Variants in ZNF462 observed in about 807,000 individuals in gnomAD.
The protein encoded by ZNF462 is zinc finger PBX1-interacting protein.
In ZNF462, 10 loss-of-function variants were observed where a neutral mutation model predicts 201.9. That is an observed-to-expected ratio of 0.05 (90% CI 0.03 to 0.08). ZNF462 has a LOEUF of 0.08. ZNF462 is among the 10% of genes least tolerant of loss of function. The probability of loss-of-function intolerance (pLI) is 1.00; values close to 1 mark genes in which losing one functional copy is unlikely to be tolerated. For synonymous variants in ZNF462, 1,227 were observed against 1,193.3 expected, an observed-to-expected ratio of 1.03 and a Z score of -0.58; for missense variants, 2,523 against 3,168.3, an observed-to-expected ratio of 0.80 and a Z score of 4.89.
intron 1 of ZNF462, among the ~76,000 whole-genome samples, chr9:106,904,094 C>A (rs939207934): frequency 1.3e-5 from 2 of 152,002 alleles, no homozygotes; most frequent in Non-Finnish European, 2.9e-5. Context: ...ATTTAGAGTT[C>A]CTTTTAGCAG....
rs151092123 is a variant in ZNF462, at chr9:106,881,559, A to G, written c.-31+18204A>G. On this transcript the variant is annotated intron_variant, in intron 1 of 12. Transcript: ENST00000277225. Reference sequence around the variant, plus strand: ...TATAGTAGACACACAAAAAATCCTAATTTTCTTTCCTCCCATCTTTGAGTT... The same window carrying G: ...TATAGTAGACACACAAAAAATCCTAGTTTTCTTTCCTCCCATCTTTGAGTT... 5.8e-3 allele frequency among the ~76,000 whole-genome samples: 876 copies of G among 152,222 alleles called. 2 individuals are homozygous for G. The highest frequency in any genetic ancestry group is 8.8e-3 in the Non-Finnish European group (600 of 68,006).
chr9:106,901,523 C>G (rs1805125452), intron 1 of ZNF462, among the ~76,000 whole-genome samples: 1 of 152,120 alleles, frequency 6.6e-6, no homozygotes, highest in Non-Finnish European at 1.5e-5. Flanking sequence ...GTCATTTTCA[C>G]AATATTGATT....
chr9:107,007,499 A>G (rs1417737769), intron 11 of ZNF462, among the ~76,000 whole-genome samples: 1 of 152,314 alleles, frequency 6.6e-6, no homozygotes. Flanking sequence ...AGAAGCACGT[A>G]TTCCTCTCAG....
Position 106,972,926 on chromosome 9 carries a change from A to T in ZNF462, c.6695+654A>T, listed in dbSNP as rs1002168688. Among the ~76,000 whole-genome samples the T allele has an allele frequency of 2.0e-5, 3 of 152,206 alleles. No individual in the cohort carries two copies. Among genetic ancestry groups the T allele is most frequent in the Admixed American group, 6.5e-5 (1 of 15,284 alleles). On this transcript the variant is annotated intron_variant, in intron 8 of 12. Coordinates refer to ENST00000277225, the MANE Select transcript of ZNF462 (RefSeq NM_021224.6). The surrounding 1 kb of genome is among the most constrained non-coding windows in gnomAD (Gnocchi z 4.8). ...GCATTTGAATCTCATCCTGTGAGAT[A>T]GCGTTTAGGTTAGTGGTTACAAGTG... is the stretch of plus-strand genomic sequence containing the variant.
Position 106,968,631 on chromosome 9 carries a change from T to C in ZNF462, c.6428-3374T>C, listed in dbSNP as rs1309241119. 1.3e-5 allele frequency among the ~76,000 whole-genome samples: 2 copies of C among 152,100 alleles called. No individual in the cohort carries two copies. Among genetic ancestry groups the C allele is most frequent in the East Asian group, 3.9e-4 (2 of 5,162 alleles). On this transcript the variant is annotated intron_variant, in intron 7 of 12. Transcript: ENST00000277225. The surrounding 1 kb of genome is among the most constrained non-coding windows in gnomAD (Gnocchi z 4.0). Reference sequence around the variant, plus strand: ...GGTGGACCACCTTAGTCTTTGCTGTTGGTTCCATTGTAGATACCACTGGCC... The same window carrying C: ...GGTGGACCACCTTAGTCTTTGCTGTCGGTTCCATTGTAGATACCACTGGCC...
At chr9:106,882,373 C>T (rs999965143) in intron 1 of ZNF462, among the ~76,000 whole-genome samples, 3 of 152,202 alleles carry the variant, frequency 2.0e-5, no homozygotes, top group Non-Finnish European at 4.4e-5. Context: ...AAAGTGCCTA[C>T]ATATCTGAAA....
At position 106,865,274 on chromosome 9, in the gene ZNF462, T is replaced by G. The variant is rs760188025; in HGVS notation, c.-31+1919T>G. 2.0e-5 allele frequency among the ~76,000 whole-genome samples: 3 copies of G among 152,116 alleles called. No homozygotes were observed. The highest frequency in any genetic ancestry group is 4.4e-5 in the Non-Finnish European group (3 of 68,026). On this transcript the variant is annotated intron_variant, in intron 1 of 12. Transcript: ENST00000277225. The surrounding 1 kb of genome is among the most constrained non-coding windows in gnomAD (Gnocchi z 4.1). The stretch of plus-strand genomic sequence containing the variant: ...CTTCAGGAAAGGCAAGGCAAAAACC[T>G]TAAAACAGTTCCACTGAGGTCTTCA...
rs776718033 is a variant in ZNF462, at chr9:106,926,227, C to A, written c.2315C>A (p.Pro772His). ...GATACCAGTGAGCCCCAGAAAGAGC[C>A]CAACTTCAGAAACATCACCCACGAT... ...VRDTSEPQKE[P>H]NFRNITHDYN... is the part of the protein sequence containing the mutation. Residue 772 changes from proline to histidine, a missense_variant, in exon 3 of 13, where the codon CCC becomes CAC. Coordinates refer to ENST00000277225, the MANE Select transcript of ZNF462 (RefSeq NM_021224.6). This position sits in a 1 kb window ranked among gnomAD's most constrained non-coding sequence, Gnocchi z 7.9. 1 of 1,614,108 alleles carries A rather than the reference C, an allele frequency of 6.2e-7. No individual in the cohort carries two copies. The highest frequency in any genetic ancestry group is 2.2e-5 in the East Asian group (1 of 44,876).
In ZNF462 at chr9:106,925,626, C is replaced by T. The variant is rs748765314; in HGVS notation, c.1714C>T (p.His572Tyr). ...QPQPPQLQPP[H>Y]QVPPQPQTQP... ...ACAGCCACCACAGCTGCAGCCACCA[C>T]ATCAGGTGCCACCCCAGCCACAAAC... The change falls in exon 3 of 13, where the codon CAT becomes TAT. Residue 572 changes from histidine (H) to tyrosine (Y), a missense_variant. His to Tyr is a moderately conservative substitution (Grantham distance 83, BLOSUM62 2). Around this residue, in one of 15 missense-constraint regions of ZNF462, gnomAD observed 383 missense variants for 453.4 expected, o/e 0.84. Transcript: ENST00000277225. The surrounding 1 kb of genome is among the most constrained non-coding windows in gnomAD (Gnocchi z 7.9). 3.1e-6 allele frequency: 5 copies of T among 1,613,854 alleles called. No homozygotes were observed. Among genetic ancestry groups the T allele is most frequent in the Non-Finnish European group, 2.5e-6 (3 of 1,179,854 alleles).
chr9:107,002,823 C>G (rs896911698), intron 10 of ZNF462, among the ~76,000 whole-genome samples: 1 of 152,118 alleles, frequency 6.6e-6, no homozygotes, highest in African/African-American at 2.4e-5. Flanking sequence ...CCTGCAACAC[C>G]CTGGTTGATG....
At chr9:106,914,334 G>A (rs941098433) in intron 1 of ZNF462, among the ~76,000 whole-genome samples, 4 of 152,284 alleles carry the variant, frequency 2.6e-5, no homozygotes, top group South Asian at 2.1e-4. Context: ...ATTCTTTGTC[G>A]TGGGGACTGT....
intron 7 of ZNF462, among the ~76,000 whole-genome samples, chr9:106,959,012 A>G (rs918283504): frequency 1.3e-5 from 2 of 152,154 alleles, no homozygotes; most frequent in East Asian, 3.9e-4. Flanking sequence ...CAGTTTGGGA[A>G]TTGAATTTGC....
intron 1 of ZNF462, among the ~76,000 whole-genome samples, chr9:106,869,571 G>A (rs917592379): frequency 6.6e-6 from 1 of 152,154 alleles, no homozygotes; most frequent in Admixed American, 6.5e-5. Flanking sequence ...AATCCAGGAG[G>A]CAGTCTGGAG....
chr9:107,002,355 T>G (rs1431916461), intron 10 of ZNF462, among the ~76,000 whole-genome samples: 3 of 152,138 alleles, frequency 2.0e-5, no homozygotes, highest in Non-Finnish European at 2.9e-5. Flanking sequence ...CATAACACCT[T>G]ACATAGAAGG....
At chr9:106,881,197 C>A (rs571742481) in intron 1 of ZNF462, among the ~76,000 whole-genome samples, 1 of 152,260 alleles carries the variant, frequency 6.6e-6, no homozygotes, top group East Asian at 1.9e-4. Flanking sequence ...AAACTCTAGA[C>A]CATCTTTTCA....
chr9:106,925,194 A>G lies in ZNF462; in HGVS notation c.1282A>G (p.Lys428Glu), dbSNP rs767257853. ...AGATGGCAACAAATTATTGGAGACC[A>G]AGGGGATTCCATTTAGAAGATTCAT... ...GSDGNKLLETKGIPFRRFMNR... is the reference protein window; with the variant it reads ...GSDGNKLLETEGIPFRRFMNR... Residue 428 changes from lysine to glutamate, a missense_variant, in exon 3 of 13, where the codon AAG becomes GAG. Around this residue, in one of 15 missense-constraint regions of ZNF462, gnomAD observed 480 missense variants for 544.4 expected, o/e 0.88. Coordinates refer to ENST00000277225, the MANE Select transcript of ZNF462 (RefSeq NM_021224.6). This position sits in a 1 kb window ranked among gnomAD's most constrained non-coding sequence, Gnocchi z 7.9. 1.2e-6 allele frequency: 2 copies of G among 1,614,230 alleles called. No homozygotes were observed. Among genetic ancestry groups the G allele is most frequent in the Non-Finnish European group, 1.7e-6 (2 of 1,180,042 alleles).
intron 1 of ZNF462, among the ~76,000 whole-genome samples, chr9:106,897,824 G>A (rs1320832096): frequency 2.6e-5 from 4 of 151,916 alleles, no homozygotes; most frequent in Non-Finnish European, 4.4e-5. Context: ...GAGGCCAGCA[G>A]CAGGGCCCTG....
intron 7 of ZNF462, among the ~76,000 whole-genome samples, chr9:106,967,694 G>T (rs1200863562): frequency 1.3e-5 from 2 of 152,068 alleles, no homozygotes; most frequent in African/African-American, 4.8e-5. Context: ...ATGTTAGAGT[G>T]TTATTATTTG....
rs535907350 is a variant in ZNF462 at position 106,875,707 on chromosome 9, T to G, written c.-31+12352T>G. Among the ~76,000 whole-genome samples, 64 of 152,318 alleles carry G rather than the reference T, an allele frequency of 4.2e-4. 1 individual carries two copies. Among genetic ancestry groups the G allele is most frequent in the African/African-American group, 1.4e-3 (59 of 41,578 alleles). On this transcript the variant is annotated intron_variant, in intron 1 of 12. Coordinates refer to ENST00000277225, the MANE Select transcript of ZNF462 (RefSeq NM_021224.6). Reference sequence around the variant, plus strand: ...TCCAGGAAATACTAACAACAACCTGTATCAGAAGTGATACAGTGTGGGTAT... The same window carrying G: ...TCCAGGAAATACTAACAACAACCTGGATCAGAAGTGATACAGTGTGGGTAT...
Sources: allele counts gnomAD v4.1 joint callset (sites outside exome capture counted in the v4.1 genomes callset), GRCh38; gene constraint gnomAD v4.1.1; regional missense constraint gnomAD v4.1.1; non-coding constraint Gnocchi (gnomAD v3.1); transcripts MANE v1.5; gene names NCBI Gene and HGNC (gene_info 2026-07-23, HGNC 2026-07-21).